RAB27B: variants seen among roughly 807,000 people sequenced by gnomAD.
RAB27B encodes the protein RAB27B, member RAS oncogene family, also known as ras-related protein Rab-27B.
RAB27B carries 15 observed loss-of-function variants against 24.6 expected under a neutral mutation model. The observed-to-expected ratio is 0.61, with a 90% CI of 0.41 to 0.94. The LOEUF is 0.94. RAB27B is among the 40% of genes least tolerant of loss of function. The probability of loss-of-function intolerance (pLI) is 0.00; values close to 1 mark genes in which losing one functional copy is unlikely to be tolerated. For missense variants in RAB27B, 261 were observed against 266.8 expected (o/e 0.98, Z 0.15); for synonymous variants, 105 against 92.5 (o/e 1.14, Z -0.78).
chr18:54,771,462 C>G (rs148770161), intron 2 of RAB27B, among the ~76,000 whole-genome samples: 3 of 152,058 alleles, frequency 2.0e-5, no homozygotes, highest in African/African-American at 7.2e-5. Context: ...AGAGCAACAA[C>G]GAGCCCAACA....
intron 2 of RAB27B, among the ~76,000 whole-genome samples, chr18:54,814,335 AC>A: frequency 6.6e-6 from 1 of 152,290 alleles, no homozygotes; most frequent in East Asian, 1.9e-4. Context: ...TATTTTTAAA[AC>A]CCTACATAAA....
At chr18:54,861,963 C>G (rs887704958) in intron 1 of RAB27B, among the ~76,000 whole-genome samples, 5 of 151,948 alleles carry the variant, frequency 3.3e-5, no homozygotes, top group African/African-American at 1.2e-4. Context: ...AAGATTCTTT[C>G]AATATACAGC....
At chr18:54,806,216 T>C (rs1349279551) in intron 2 of RAB27B, among the ~76,000 whole-genome samples, 1 of 152,094 alleles carries the variant, frequency 6.6e-6, no homozygotes, top group African/African-American at 2.4e-5. Context: ...ATAAGCAGTG[T>C]ACTTAGCCTT....
chr18:54,878,577 G>A (rs1912798465), intron 2 of RAB27B, among the ~76,000 whole-genome samples: 1 of 152,212 alleles, frequency 6.6e-6, no homozygotes, highest in East Asian at 1.9e-4. Flanking sequence ...GGTTGTGTAG[G>A]CTTAGCAAAC....
At chr18:54,878,321 C>T (rs1388724837) in intron 2 of RAB27B, among the ~76,000 whole-genome samples, 1 of 152,156 alleles carries the variant, frequency 6.6e-6, no homozygotes, top group Non-Finnish European at 1.5e-5. Context: ...ACGCTATTGA[C>T]AGGAATAAGG....
intron 2 of RAB27B, among the ~76,000 whole-genome samples, chr18:54,749,541 T>C (rs1907762411): frequency 6.6e-6 from 1 of 152,170 alleles, no homozygotes; most frequent in African/African-American, 2.4e-5. Flanking sequence ...TAATTCCTAA[T>C]GAGTTACCCT....
intron 2 of RAB27B, among the ~76,000 whole-genome samples, chr18:54,726,074 G>A (rs1182725074): frequency 6.6e-6 from 1 of 151,370 alleles, no homozygotes; most frequent in Non-Finnish European, 1.5e-5. Flanking sequence ...CACTTTACAT[G>A]AAACAGACTG....
intron 2 of RAB27B, among the ~76,000 whole-genome samples, chr18:54,808,166 C>T (rs1185509048): frequency 1.3e-5 from 2 of 152,098 alleles, no homozygotes; most frequent in South Asian, 2.1e-4. Flanking sequence ...TGTTTGTAAT[C>T]CTCTAGATAG....
chr18:54,720,261 C>T (rs1437588112), intron 2 of RAB27B, among the ~76,000 whole-genome samples: 1 of 151,978 alleles, frequency 6.6e-6, no homozygotes, highest in Non-Finnish European at 1.5e-5. Flanking sequence ...TGAGGTTATC[C>T]CAAGGCCTTG....
intron 2 of RAB27B, among the ~76,000 whole-genome samples, chr18:54,804,868 T>C (rs11872426): frequency 0.011 from 255 of 22,310 alleles, 6 homozygotes; most frequent in Middle Eastern, 0.067. Flanking sequence ...TTCCTTTCTT[T>C]TTTTCTTTTT....
In RAB27B at chr18:54,892,998, A is replaced by G. The variant is rs1913428886; in HGVS notation, c.*3585A>G. Reference sequence around the variant, plus strand: ...CAATATGATGTTCTTTAAGCTGCAAATTGAGTACACTGGGAATCAACAAAT... The same window carrying G: ...CAATATGATGTTCTTTAAGCTGCAAGTTGAGTACACTGGGAATCAACAAAT... On this transcript the variant is annotated 3_prime_UTR_variant, in exon 6 of 6. Coordinates refer to ENST00000262094, the MANE Select transcript of RAB27B (RefSeq NM_004163.4). 1 of 152,034 alleles carries G rather than the reference A, an allele frequency of 6.6e-6. No individual in the cohort carries two copies. Among genetic ancestry groups the G allele is most frequent in the South Asian group, 2.1e-4 (1 of 4,830 alleles). The allele number at this position is 152,034 out of a possible 1,614,324, so 9.4% of individuals were successfully genotyped here.
At chr18:54,797,169 G>A (rs1370961604) in intron 2 of RAB27B, among the ~76,000 whole-genome samples, 1 of 152,212 alleles carries the variant, frequency 6.6e-6, no homozygotes, top group Non-Finnish European at 1.5e-5. Flanking sequence ...GTGTGCACAG[G>A]CATATAAGAA....
chr18:54,834,741 T>C (rs1490152939), intron 1 of RAB27B, among the ~76,000 whole-genome samples: 1 of 149,962 alleles, frequency 6.7e-6, no homozygotes, highest in Non-Finnish European at 1.5e-5. Context: ...ACATATGAAC[T>C]CTATAATAGA....
At chr18:54,833,803 C>T (rs1219566865) in intron 1 of RAB27B, among the ~76,000 whole-genome samples, 4 of 152,108 alleles carry the variant, frequency 2.6e-5, no homozygotes, top group Admixed American at 2.0e-4. Context: ...GAATTCTTAA[C>T]CTGGGAAAGA....
At position 54,891,973 on chromosome 18, in the gene RAB27B, T is replaced by C. The variant is rs1275308324; in HGVS notation, c.*2560T>C. ...ACATCTGACCCCAGATTCTATGTAATCATTATTAGAAATTCCTTCTCTCAT... is the reference window on the plus strand; with the variant it reads ...ACATCTGACCCCAGATTCTATGTAACCATTATTAGAAATTCCTTCTCTCAT... On this transcript the variant is annotated 3_prime_UTR_variant, in exon 6 of 6. Coordinates refer to ENST00000262094, the MANE Select transcript of RAB27B (RefSeq NM_004163.4). The C allele has an allele frequency of 6.6e-6, 1 of 152,128 alleles. No homozygotes were observed. Among genetic ancestry groups the C allele is most frequent in the Non-Finnish European group, 1.5e-5 (1 of 67,992 alleles). 9.4% of individuals were successfully genotyped at this position (152,128 alleles called of 1,614,324 possible).
chr18:54,792,261 G>C (rs1365083626), intron 2 of RAB27B, among the ~76,000 whole-genome samples: 1 of 152,150 alleles, frequency 6.6e-6, no homozygotes, highest in Admixed American at 6.5e-5. Context: ...GGTTTGAGCA[G>C]CGGGGTACTG....
At chr18:54,873,478 C>A (rs1912558919) in intron 1 of RAB27B, among the ~76,000 whole-genome samples, 1 of 152,124 alleles carries the variant, frequency 6.6e-6, no homozygotes, top group Non-Finnish European at 1.5e-5. Flanking sequence ...AGTCATTGTA[C>A]AGGAATAAAC....
intron 2 of RAB27B, among the ~76,000 whole-genome samples, chr18:54,788,105 C>A (rs1211931915): frequency 6.6e-6 from 1 of 152,062 alleles, no homozygotes; most frequent in Non-Finnish European, 1.5e-5. Context: ...CTCAGCAAGG[C>A]CAGACAAAAA....
rs961279364 is a variant in RAB27B, at chr18:54,865,232, G to T, written c.-19-12335G>T. On this transcript the variant is annotated intron_variant, in intron 1 of 5. Transcript: ENST00000262094. ...TATTTTTGTTAATTTTACTGCAATGGCCTTTTGTGTGTGTGTGTGTGTGTG... is the reference window on the plus strand; with the variant it reads ...TATTTTTGTTAATTTTACTGCAATGTCCTTTTGTGTGTGTGTGTGTGTGTG... Among the ~76,000 whole-genome samples the T allele has an allele frequency of 1.3e-3, 128 of 99,594 alleles. 2 individuals carry two copies. The highest frequency in any genetic ancestry group is 4.7e-3 in the African/African-American group (124 of 26,248). The allele number at this position is 99,594 out of a possible 152,430, so 65.3% of individuals were successfully genotyped here.
Sources: allele counts gnomAD v4.1 joint callset (sites outside exome capture counted in the v4.1 genomes callset), GRCh38; gene constraint gnomAD v4.1.1; transcripts MANE v1.5; gene names NCBI Gene and HGNC (gene_info 2026-07-23, HGNC 2026-07-21).